Variants in LGSN observed in about 807,000 individuals in gnomAD.
LGSN encodes the protein lengsin.
LGSN carries 21 observed loss-of-function variants against 19.5 expected under a neutral mutation model. The ratio of observed to expected loss-of-function variants is 1.07; its 90% CI spans 0.76 to 1.55. The LOEUF is 1.55. LGSN is among the 40% of genes most tolerant of loss of function. LGSN has a pLI of 0.00. For synonymous variants in LGSN, 257 were observed against 215.6 expected (o/e 1.19, Z -1.68); for missense variants, 673 against 608.5 (o/e 1.11, Z -1.12).
chr6:63,420,281 A>G, the LGSN span, among the ~76,000 whole-genome samples: 3 of 151,812 alleles, frequency 2.0e-5, no homozygotes, highest in African/African-American at 4.8e-5. Context: ...CCCTGGGCCC[A>G]TAAAACTACA....
the LGSN span, among the ~76,000 whole-genome samples, chr6:63,556,167 T>A: frequency 3.9e-5 from 6 of 152,264 alleles, no homozygotes; most frequent in South Asian, 4.1e-4. Context: ...TTTTAAAAAA[T>A]TTTTTACTGT....
At chr6:63,329,270 T>G in the LGSN span, among the ~76,000 whole-genome samples, 1 of 152,142 alleles carries the variant, frequency 6.6e-6, no homozygotes, top group South Asian at 2.1e-4. Flanking sequence ...TTGGGACGTG[T>G]GGTCTGTGGG....
chr6:63,411,828 CAG>C, the LGSN span, among the ~76,000 whole-genome samples: 1 of 151,928 alleles, frequency 6.6e-6, no homozygotes, highest in East Asian at 1.9e-4. Flanking sequence ...GCCTGGGTGA[CAG>C]AGTGAGACCC....
At chr6:63,473,716 G>A in the LGSN span, among the ~76,000 whole-genome samples, 1 of 148,144 alleles carries the variant, frequency 6.8e-6, no homozygotes, top group African/African-American at 2.5e-5. Flanking sequence ...TTCCTGACTG[G>A]GGTCCAAGTA....
chr6:63,442,437 G>C, the LGSN span, among the ~76,000 whole-genome samples: 2 of 141,196 alleles, frequency 1.4e-5, no homozygotes, highest in Non-Finnish European at 3.1e-5. Context: ...GAGCTGATTG[G>C]TCCGTTTTGA....
At chr6:63,355,316 G>A in the LGSN span, among the ~76,000 whole-genome samples, 2 of 152,100 alleles carry the variant, frequency 1.3e-5, no homozygotes, top group African/African-American at 4.8e-5. Context: ...TTGAGTGCTG[G>A]GCACTGTTCT....
At position 63,280,390 on chromosome 6, in the gene LGSN, A is replaced by G; in HGVS notation, c.1161T>C (p.Asn387=). The part of the protein sequence containing the change: ...KKSVPTTWGY[N]DNSCIFNIKC... ...TGATATTAAATATACAGCTGTTGTCATTGTATCCCCATGTTGTAGGCACAC... is the reference window on the plus strand; with the variant it reads ...TGATATTAAATATACAGCTGTTGTCGTTGTATCCCCATGTTGTAGGCACAC... The change falls in exon 4 of 4, where the codon AAT becomes AAC. Residue 387 remains asparagine (N), a synonymous_variant. Transcript: ENST00000370657. The G allele has an allele frequency of 1.2e-6, 2 of 1,614,152 alleles. No individual in the cohort carries two copies. Among genetic ancestry groups the G allele is most frequent in the Non-Finnish European group, 1.7e-6 (2 of 1,180,040 alleles).
At chr6:63,350,589 C>T in the LGSN span, among the ~76,000 whole-genome samples, 143 of 152,268 alleles carry the variant, frequency 9.4e-4, no homozygotes, top group African/African-American at 3.1e-3. Flanking sequence ...TGGTGGCTCA[C>T]GCCTATAATC....
chr6:63,566,000 T>C, the LGSN span, among the ~76,000 whole-genome samples: 1 of 152,242 alleles, frequency 6.6e-6, no homozygotes. Flanking sequence ...AAACAGGTAT[T>C]ACAATAAAGG....
the LGSN span, among the ~76,000 whole-genome samples, chr6:63,372,293 C>T: frequency 6.6e-6 from 1 of 152,148 alleles, no homozygotes; most frequent in Non-Finnish European, 1.5e-5. Context: ...CCATGAAGTA[C>T]CAAGATGTGT....
At chr6:63,325,310 T>A in the LGSN span, among the ~76,000 whole-genome samples, 1 of 152,058 alleles carries the variant, frequency 6.6e-6, no homozygotes, top group Admixed American at 6.5e-5. Flanking sequence ...ACCAAACACA[T>A]TGGTTCTTTG....
intron 3 of LGSN, among the ~76,000 whole-genome samples, chr6:63,281,438 A>G (rs900330914): frequency 6.6e-6 from 1 of 150,550 alleles, no homozygotes; most frequent in African/African-American, 2.4e-5. Flanking sequence ...TTTATAAACA[A>G]TGCATTGTTT....
chr6:63,408,403 A>G, the LGSN span, among the ~76,000 whole-genome samples: 11 of 147,268 alleles, frequency 7.5e-5, no homozygotes, highest in South Asian at 6.6e-4. Context: ...GATCTTTGAC[A>G]AACCTGAGAA....
the LGSN span, among the ~76,000 whole-genome samples, chr6:63,537,109 G>A: frequency 6.6e-6 from 1 of 152,056 alleles, no homozygotes; most frequent in Non-Finnish European, 1.5e-5. Context: ...GGGCTTCCAT[G>A]GATTCATGAT....
intron 1 of LGSN, among the ~76,000 whole-genome samples, chr6:63,316,758 T>C (rs1162518433): frequency 6.6e-6 from 1 of 151,818 alleles, no homozygotes; most frequent in South Asian, 2.1e-4. Context: ...AATTTAAATA[T>C]TCATGTATAT....
the LGSN span, among the ~76,000 whole-genome samples, chr6:63,504,519 C>T: frequency 2.0e-5 from 3 of 151,994 alleles, no homozygotes; most frequent in South Asian, 2.1e-4. Context: ...GGATTACAGG[C>T]GTGAGCCACT....
chr6:63,489,561 G>T, the LGSN span, among the ~76,000 whole-genome samples: 2 of 152,126 alleles, frequency 1.3e-5, no homozygotes, highest in Admixed American at 1.3e-4. Context: ...GAAGAGATGG[G>T]TTTTTACCTT....
intron 1 of LGSN, among the ~76,000 whole-genome samples, chr6:63,313,677 A>G (rs1768718712): frequency 6.6e-6 from 1 of 151,944 alleles, no homozygotes; most frequent in African/African-American, 2.4e-5. Flanking sequence ...CTCTACTAAA[A>G]ATATAAAAAT....
At chr6:63,390,118 CTTTTTTTTTTTT>C in the LGSN span, among the ~76,000 whole-genome samples, 103 of 66,322 alleles carry the variant, frequency 1.6e-3, 2 homozygotes, top group Non-Finnish European at 6.3e-4. Context: ...TTCTTTCTTT[CTTTTTTTTTTTT>C]TTTTTTTTTT....
Sources: allele counts gnomAD v4.1 joint callset (sites outside exome capture counted in the v4.1 genomes callset), GRCh38; gene constraint gnomAD v4.1.1; transcripts MANE v1.5; gene names NCBI Gene and HGNC (gene_info 2026-07-23, HGNC 2026-07-21).